The following MDGA2 variants were observed in gnomAD, a reference collection of about 807,000 sequenced individuals.
The protein encoded by MDGA2 is MAM domain containing glycosylphosphatidylinositol anchor 2.
Under a neutral mutation model 117.8 loss-of-function variants are expected in MDGA2, and 40 were observed. The observed-to-expected ratio is 0.34, with a 90% CI of 0.26 to 0.44. The LOEUF is 0.44. Ranked by LOEUF, MDGA2 falls within the 20% of genes least tolerant of loss-of-function variation. The pLI, the probability that MDGA2 is intolerant of heterozygous loss-of-function variation, is 1.00. For missense variants in MDGA2, 1,123 were observed against 1,250.6 expected (o/e 0.90, Z 1.54); for synonymous variants, 452 against 439.0 (o/e 1.03, Z -0.37).
chr14:47,475,894 C>T (rs536010361), intron 1 of MDGA2, among the ~76,000 whole-genome samples: 1 of 152,220 alleles, frequency 6.6e-6, no homozygotes, highest in South Asian at 2.1e-4. Flanking sequence ...ATGGGTTGAT[C>T]ATATATCATG....
At chr14:47,647,950 T>A (rs1045231615) in intron 1 of MDGA2, among the ~76,000 whole-genome samples, 1 of 152,136 alleles carries the variant, frequency 6.6e-6, no homozygotes, top group Non-Finnish European at 1.5e-5. Context: ...ATTAATGTAT[T>A]AAATTATTAC....
chr14:47,090,068 G>C (rs1879549787), intron 6 of MDGA2, among the ~76,000 whole-genome samples: 2 of 151,994 alleles, frequency 1.3e-5, no homozygotes, highest in African/African-American at 4.8e-5. Context: ...TAAGCATAAA[G>C]ATAATTTAGA....
intron 1 of MDGA2, among the ~76,000 whole-genome samples, chr14:47,376,943 A>G (rs1288041952): frequency 6.6e-6 from 1 of 152,192 alleles, no homozygotes; most frequent in Admixed American, 6.5e-5. Context: ...TAAAGTAACA[A>G]TAAGAGTGCT....
intron 1 of MDGA2, among the ~76,000 whole-genome samples, chr14:47,628,128 A>G (rs990539341): frequency 1.3e-5 from 2 of 151,986 alleles, no homozygotes; most frequent in African/African-American, 4.8e-5. Flanking sequence ...TTCTCTTCCC[A>G]CTGTCTCAAG....
At chr14:47,433,123 GT>G (rs1295434286) in intron 1 of MDGA2, among the ~76,000 whole-genome samples, 1 of 152,030 alleles carries the variant, frequency 6.6e-6, no homozygotes, top group African/African-American at 2.4e-5. Context: ...AGCATAGGAA[GT>G]TTTAGAAAAA....
chr14:46,894,002 A>G (rs1038204263), intron 10 of MDGA2, among the ~76,000 whole-genome samples: 6 of 152,052 alleles, frequency 3.9e-5, no homozygotes, highest in Admixed American at 2.0e-4. Context: ...CACAATTTTT[A>G]GAATTGCAGT....
At chr14:47,373,385 A>T (rs1235135173) in intron 1 of MDGA2, among the ~76,000 whole-genome samples, 1 of 152,092 alleles carries the variant, frequency 6.6e-6, no homozygotes, top group Non-Finnish European at 1.5e-5. Flanking sequence ...AAACATTCAT[A>T]TCATCACTAT....
chr14:47,332,447 A>G (rs1266074951), intron 1 of MDGA2, among the ~76,000 whole-genome samples: 1 of 152,008 alleles, frequency 6.6e-6, no homozygotes, highest in East Asian at 1.9e-4. Flanking sequence ...TAATACACAA[A>G]ACTATAACCC....
At chr14:47,623,831 G>A (rs972902297) in intron 1 of MDGA2, among the ~76,000 whole-genome samples, 4 of 152,168 alleles carry the variant, frequency 2.6e-5, no homozygotes, top group African/African-American at 9.7e-5. Flanking sequence ...AATCTATGCA[G>A]AAAAGTCAGA....
intron 10 of MDGA2, 73 bp downstream of exon 10, chr14:46,919,939 C>T: frequency 1.4e-6 from 2 of 1,379,332 alleles, no homozygotes; most frequent in Non-Finnish European, 1.9e-6. Flanking sequence ...ATGCAAAACT[C>T]TTAGAAAAAT....
chr14:46,918,331 A>G (rs1883979800), intron 10 of MDGA2, among the ~76,000 whole-genome samples: 1 of 152,214 alleles, frequency 6.6e-6, no homozygotes, highest in Non-Finnish European at 1.5e-5. Flanking sequence ...AGTTTTAAAA[A>G]GAGTATGAGG....
intron 1 of MDGA2, among the ~76,000 whole-genome samples, chr14:47,546,286 A>G (rs1895461481): frequency 6.6e-6 from 1 of 152,140 alleles, no homozygotes; most frequent in Non-Finnish European, 1.5e-5. Context: ...ACAGTGTGAG[A>G]GCAGCATGTA....
intron 1 of MDGA2, among the ~76,000 whole-genome samples, chr14:47,599,798 T>C (rs1896613229): frequency 6.6e-6 from 1 of 152,142 alleles, no homozygotes; most frequent in South Asian, 2.1e-4. Flanking sequence ...CGGAATCAAG[T>C]CTACTGATGG....
chr14:47,601,327 C>A (rs1896643725), intron 1 of MDGA2, among the ~76,000 whole-genome samples: 1 of 152,082 alleles, frequency 6.6e-6, no homozygotes, highest in African/African-American at 2.4e-5. Context: ...TTTGAGGTGA[C>A]AGGCCATGAA....
chr14:47,060,395 T>G (rs1216848299), intron 7 of MDGA2, among the ~76,000 whole-genome samples: 3 of 152,132 alleles, frequency 2.0e-5, no homozygotes, highest in Non-Finnish European at 2.9e-5. Context: ...TGCCTGATCA[T>G]GTGTCTACTA....
chr14:47,022,079 T>C (rs1400174222), intron 8 of MDGA2, among the ~76,000 whole-genome samples: 2 of 152,134 alleles, frequency 1.3e-5, no homozygotes, highest in South Asian at 4.1e-4. Flanking sequence ...AATAAAACAA[T>C]TGAATCTAAA....
intron 2 of MDGA2, among the ~76,000 whole-genome samples, chr14:47,294,795 C>T (rs896309169): frequency 5.9e-5 from 9 of 151,988 alleles, no homozygotes; most frequent in Non-Finnish European, 1.0e-4. Context: ...ACATGTAGCA[C>T]TAATGGTTTC....
rs1010157275 is a variant in MDGA2 at position 46,855,546 on chromosome 14, G to A, written c.2753-392C>T. 1.3e-5 allele frequency among the ~76,000 whole-genome samples: 2 copies of A among 152,136 alleles called. No individual in the cohort carries two copies. The highest frequency in any genetic ancestry group is 6.6e-5 in the Admixed American group (1 of 15,254). On this transcript the variant is annotated intron_variant, in intron 14 of 16. Coordinates refer to ENST00000399232, the MANE Select transcript of MDGA2 (RefSeq NM_001113498.3). The surrounding 1 kb of genome is among the most constrained non-coding windows in gnomAD (Gnocchi z 4.1). ...TGTTACATGGCTGGTTTCCAAGATG[G>A]AGGAAGGGGCTACAAGGACTACTGG...
intron 1 of MDGA2, among the ~76,000 whole-genome samples, chr14:47,327,885 T>C (rs767936214): frequency 1.3e-5 from 2 of 152,158 alleles, no homozygotes; most frequent in Admixed American, 6.6e-5. Context: ...AGAGTTCACA[T>C]ATTAAGGAAA....
Sources: allele counts gnomAD v4.1 joint callset (sites outside exome capture counted in the v4.1 genomes callset), GRCh38; gene constraint gnomAD v4.1.1; non-coding constraint Gnocchi (gnomAD v3.1); transcripts MANE v1.5; gene names NCBI Gene and HGNC (gene_info 2026-07-23, HGNC 2026-07-21).